Variants in CDK14 observed in about 807,000 individuals in gnomAD.
CDK14 encodes cyclin dependent kinase 14, also known as cyclin-dependent kinase 14.
Under a neutral mutation model 60.7 loss-of-function variants are expected in CDK14, and 34 were observed. The observed-to-expected ratio is 0.56, with a 90% CI of 0.43 to 0.75. The LOEUF is 0.75. CDK14 is among the 30% of genes least tolerant of loss of function. The probability of loss-of-function intolerance (pLI) is 0.00; values close to 1 mark genes in which losing one functional copy is unlikely to be tolerated. For missense variants in CDK14, 482 were observed against 564.1 expected (o/e 0.85, Z 1.47); for synonymous variants, 197 against 203.7 (o/e 0.97, Z 0.28).
At chr7:90,968,745 T>TA (rs1357201786) in intron 9 of CDK14, among the ~76,000 whole-genome samples, 2 of 152,116 alleles carry the variant, frequency 1.3e-5, no homozygotes, top group African/African-American at 4.8e-5. Context: ...TGTGACCATT[T>TA]TATAACCTCT....
intron 5 of CDK14, among the ~76,000 whole-genome samples, chr7:90,833,555 AT>A (rs1422233731): frequency 2.6e-5 from 4 of 152,182 alleles, no homozygotes; most frequent in African/African-American, 7.2e-5. Flanking sequence ...CAGTTAGACA[AT>A]GCATTGGAGT....
At chr7:90,803,700 G>C (rs1303099589) in intron 5 of CDK14, among the ~76,000 whole-genome samples, 1 of 152,304 alleles carries the variant, frequency 6.6e-6, no homozygotes, top group East Asian at 1.9e-4. Flanking sequence ...GGTGTTTGTT[G>C]TATCTAAATT....
intron 6 of CDK14, among the ~76,000 whole-genome samples, chr7:90,867,523 A>G (rs541062734): frequency 6.6e-6 from 1 of 152,214 alleles, no homozygotes; most frequent in African/African-American, 2.4e-5. Context: ...TTTAAATTAC[A>G]TAAGAGCAAA....
intron 2 of CDK14, among the ~76,000 whole-genome samples, chr7:90,706,248 C>T (rs943153148): frequency 6.6e-6 from 1 of 152,138 alleles, no homozygotes; most frequent in South Asian, 2.1e-4. Flanking sequence ...TGATTAATTT[C>T]CTGCAGCTTT....
chr7:90,606,358 C>T, intron 2 of CDK14, among the ~76,000 whole-genome samples: 1 of 152,116 alleles, frequency 6.6e-6, no homozygotes, highest in Non-Finnish European at 1.5e-5. Context: ...TAGTATCTTT[C>T]CTTTAAGGGT....
chr7:90,635,670 G>T (rs1175472415), intron 2 of CDK14, among the ~76,000 whole-genome samples: 1 of 152,082 alleles, frequency 6.6e-6, no homozygotes, highest in Non-Finnish European at 1.5e-5. Flanking sequence ...ATTCTGTGAA[G>T]AAAGTCATTG....
intron 2 of CDK14, among the ~76,000 whole-genome samples, chr7:90,627,159 G>C (rs928320468): frequency 6.6e-6 from 1 of 151,472 alleles, no homozygotes; most frequent in East Asian, 1.9e-4. Context: ...ATTTAGACTA[G>C]CCACATTTCA....
chr7:90,955,766 C>G lies in CDK14; in HGVS notation c.896C>G (p.Pro299Arg). 3 of 1,613,470 alleles carry G rather than the reference C, an allele frequency of 1.9e-6. No homozygotes were observed. Among genetic ancestry groups the G allele is most frequent in the Non-Finnish European group, 2.5e-6 (3 of 1,179,482 alleles). ...GAAGTGGTTACCTTGTGGTACAGAC[C>G]TCCAGATGTCCTTCTAGGCTCAACA... ...SNEVVTLWYR[P>R]PDVLLGSTEY... Residue 299 changes from proline to arginine, a missense_variant, in exon 9 of 15, where the codon CCT becomes CGT. By Grantham distance (103) the Pro-to-Arg change is moderately radical. Coordinates refer to ENST00000380050, the MANE Select transcript of CDK14 (RefSeq NM_001287135.2).
chr7:90,957,438 T>A (rs1299427814), intron 9 of CDK14, among the ~76,000 whole-genome samples: 1 of 152,110 alleles, frequency 6.6e-6, no homozygotes, highest in Non-Finnish European at 1.5e-5. Flanking sequence ...GACATGATTA[T>A]ATATCTAGAA....
intron 2 of CDK14, among the ~76,000 whole-genome samples, chr7:90,687,704 C>T (rs961527720): frequency 6.6e-6 from 1 of 151,932 alleles, no homozygotes; most frequent in Non-Finnish European, 1.5e-5. Flanking sequence ...CTCCTTCTCA[C>T]CCCCCAAGAA....
At chr7:91,174,470 G>A (rs1053239294) in intron 14 of CDK14, among the ~76,000 whole-genome samples, 11 of 151,936 alleles carry the variant, frequency 7.2e-5, no homozygotes, top group African/African-American at 1.7e-4. Flanking sequence ...TGACTTTGAC[G>A]AGCTGAGAGA....
intron 14 of CDK14, among the ~76,000 whole-genome samples, chr7:91,157,344 C>A (rs1227239548): frequency 3.9e-5 from 6 of 152,196 alleles, no homozygotes; most frequent in Non-Finnish European, 8.8e-5. Flanking sequence ...TTCATGTAGA[C>A]CTGGGTTCAA....
chr7:91,044,935 A>C (rs1049157292), intron 10 of CDK14, among the ~76,000 whole-genome samples: 1 of 152,170 alleles, frequency 6.6e-6, no homozygotes, highest in South Asian at 2.1e-4. Flanking sequence ...ACATAGTGCT[A>C]TGTGCCAGGT....
chr7:90,641,352 T>C (rs1257861430), intron 2 of CDK14, among the ~76,000 whole-genome samples: 1 of 152,154 alleles, frequency 6.6e-6, no homozygotes, highest in Non-Finnish European at 1.5e-5. Context: ...TTGTTCATAA[T>C]AGCCAAAATG....
intron 9 of CDK14, among the ~76,000 whole-genome samples, chr7:90,962,295 C>T (rs1269025849): frequency 6.6e-6 from 1 of 151,856 alleles, no homozygotes; most frequent in Non-Finnish European, 1.5e-5. Context: ...AAGACCAGTC[C>T]CATCAACATG....
intron 11 of CDK14, among the ~76,000 whole-genome samples, chr7:91,059,100 CAG>C (rs1793593040): frequency 1.3e-5 from 2 of 152,262 alleles, no homozygotes; most frequent in South Asian, 4.1e-4. Context: ...TTGGTCTATT[CAG>C]AGATTCAACT....
chr7:90,771,762 C>T (rs950346282), intron 4 of CDK14, among the ~76,000 whole-genome samples: 5 of 152,104 alleles, frequency 3.3e-5, no homozygotes, highest in African/African-American at 1.2e-4. Flanking sequence ...GTGTACTGAA[C>T]GAGAATGGAC....
chr7:91,043,728 T>A (rs1797155595), intron 10 of CDK14, among the ~76,000 whole-genome samples: 2 of 152,158 alleles, frequency 1.3e-5, no homozygotes, highest in Admixed American at 1.3e-4. Context: ...GATGTTAGTA[T>A]TAATTAGTGC....
At chr7:90,769,589 C>T (rs1038613701) in intron 4 of CDK14, among the ~76,000 whole-genome samples, 5 of 151,960 alleles carry the variant, frequency 3.3e-5, no homozygotes, top group African/African-American at 4.8e-5. Flanking sequence ...GCCTCAGCCT[C>T]CCGAGTAGCT....
Sources: allele counts gnomAD v4.1 joint callset (sites outside exome capture counted in the v4.1 genomes callset), GRCh38; gene constraint gnomAD v4.1.1; transcripts MANE v1.5; gene names NCBI Gene and HGNC (gene_info 2026-07-23, HGNC 2026-07-21).